VWDE: variants seen among roughly 807,000 people sequenced by gnomAD.
VWDE encodes the protein von Willebrand factor D and EGF domains.
In VWDE, 207 loss-of-function variants were observed where a neutral mutation model predicts 178.4. The ratio of observed to expected loss-of-function variants is 1.16; its 90% confidence interval spans 1.04 to 1.30. The LOEUF (loss-of-function observed/expected upper bound fraction) is 1.30, where lower values mean the gene tolerates loss of function less well. Ranked by LOEUF, VWDE falls within the 50% of genes most tolerant of loss-of-function variation. The pLI is 0.00. For synonymous variants in VWDE, 738 were observed against 651.4 expected (o/e 1.13, Z -2.02); for missense variants, 2,287 against 1,901.3 (o/e 1.20, Z -3.77).
At chr7:12,368,888 C>G (rs531961610) in intron 12 of VWDE, among the ~76,000 whole-genome samples, 2 of 151,644 alleles carry the variant, frequency 1.3e-5, no homozygotes, top group Non-Finnish European at 2.9e-5. Context: ...AAAGGACAGG[C>G]AAAAATGACT....
chr7:12,393,568 A>T lies in VWDE; in HGVS notation c.243+26T>A, dbSNP rs143771985. On this transcript the variant is annotated intron_variant, in intron 2 of 28. Coordinates refer to ENST00000275358, the MANE Select transcript of VWDE (RefSeq NM_001135924.3). ...ATGAAAAACACATAAGGAAAATAACATGCAGTACTTAGGGAGTTGACATAC... is the reference window on the plus strand; with the variant it reads ...ATGAAAAACACATAAGGAAAATAACTTGCAGTACTTAGGGAGTTGACATAC... 2.4e-4 allele frequency: 348 copies of T among 1,480,336 alleles called. 3 individuals are homozygous for T. The African/African-American group carries it at 4.2e-3, about 18-fold the overall frequency. 91.7% of individuals were successfully genotyped at this position (1,480,336 alleles called of 1,614,324 possible). A position where few individuals can be genotyped will look rare whatever the true frequency, so the allele number is the denominator to read the frequency against.
chr7:12,359,790 C>A (rs573115223), intron 15 of VWDE, 98 bp from the exon 16 acceptor site: 7 of 670,086 alleles, frequency 1.0e-5, no homozygotes, highest in African/African-American at 1.8e-5. Flanking sequence ...ATGATTCCAA[C>A]GAAAGCACAT....
At position 12,337,090 on chromosome 7, in the gene VWDE, G is replaced by C; in HGVS notation, c.4463-7C>G. 6.4e-7 allele frequency: 1 copy of C among 1,551,550 alleles called. No individual in the cohort carries two copies. The highest frequency in any genetic ancestry group is 8.7e-7 in the Non-Finnish European group (1 of 1,146,864). On this transcript the variant is annotated splice_polypyrimidine_tract_variant and splice_region_variant and intron_variant, in intron 25 of 28. Coordinates refer to ENST00000275358, the MANE Select transcript of VWDE (RefSeq NM_001135924.3). ...CACGTAGGATCACAGATGCCTTAAG[G>C]TAAAAGCATGAAAAGTCAGCCCTTA...
intron 19 of VWDE, among the ~76,000 whole-genome samples, chr7:12,344,679 A>T (rs1195098808): frequency 6.6e-6 from 1 of 152,184 alleles, no homozygotes; most frequent in East Asian, 1.9e-4. Context: ...AAAGCAAAAC[A>T]GTAACACAAC....
In VWDE at chr7:12,377,922, T is replaced by C; in HGVS notation, c.880-2A>G. 2.2e-6 allele frequency: 3 copies of C among 1,394,132 alleles called. No homozygotes were observed. Among genetic ancestry groups the C allele is most frequent in the South Asian group, 1.9e-5 (1 of 53,506 alleles). The allele number at this position is 1,394,132 out of a possible 1,614,324, so 86.4% of individuals were successfully genotyped here. A position where few individuals can be genotyped will look rare whatever the true frequency, so the allele number is the denominator to read the frequency against. ...TATAGTGCTCAATTCAGGCTGTAGCTGGTATAAGAAAATACGTAGAAAAAT... is the reference window on the plus strand; with the variant it reads ...TATAGTGCTCAATTCAGGCTGTAGCCGGTATAAGAAAATACGTAGAAAAAT... On this transcript the variant is annotated splice_acceptor_variant, in intron 6 of 28. Transcript: ENST00000275358. LOFTEE classifies it high-confidence loss of function.
At chr7:12,388,682 T>A in intron 3 of VWDE, 1 of 256,752 alleles carries the variant, frequency 3.9e-6, no homozygotes, top group South Asian at 4.3e-5. Flanking sequence ...ATCTCATTTA[T>A]CTTGCTCATC....
intron 19 of VWDE, among the ~76,000 whole-genome samples, chr7:12,347,787 C>A (rs1468466462): frequency 6.6e-6 from 1 of 152,048 alleles, no homozygotes; most frequent in East Asian, 1.9e-4. Context: ...GCCAAAAGAA[C>A]AAAGCTGGAG....
In VWDE at chr7:12,342,074, G is replaced by T. The variant is rs1583277094; in HGVS notation, c.4255C>A (p.Pro1419Thr). Residue 1419 changes from proline (P) to threonine (T), a missense_variant, in exon 23 of 29, where the codon CCC becomes ACC. Physicochemically the swap from Pro to Thr is conservative, Grantham distance 38 (BLOSUM62 -1). Coordinates refer to ENST00000275358, the MANE Select transcript of VWDE (RefSeq NM_001135924.3). ...CCAATTTTACCTGTACTACAGGTGG[G>T]TCCATACCAGCCAGGTTTGCACTGG... ...ICQCKPGWYG[P>T]TCSTALCDPV... 6.4e-7 allele frequency: 1 copy of T among 1,551,010 alleles called. No homozygotes were observed. The highest frequency in any genetic ancestry group is 1.4e-5 in the African/African-American group (1 of 72,892).
rs1473612066 is a variant in VWDE, at chr7:12,336,349, T to C, written c.4559-113A>G. On this transcript the variant is annotated intron_variant, in intron 26 of 28. Coordinates refer to ENST00000275358, the MANE Select transcript of VWDE (RefSeq NM_001135924.3). ...AAAAGAAATAGTTACAAGTAAGTGA[T>C]TAAAGAAATTTTTCCCTAATATTTT... 4 of 826,960 alleles carry C rather than the reference T, an allele frequency of 4.8e-6. No individual in the cohort carries two copies. The Admixed American group carries it at 9.8e-5, about 20-fold the overall frequency. The allele number at this position is 826,960 out of a possible 1,614,324, so 51.2% of individuals were successfully genotyped here.
chr7:12,394,398 G>A (rs979768129), intron 1 of VWDE, among the ~76,000 whole-genome samples: 3 of 152,146 alleles, frequency 2.0e-5, no homozygotes, highest in Admixed American at 6.6e-5. Flanking sequence ...AGGGGAGCAG[G>A]TTTGAAGGGG....
At chr7:12,380,424 AAAAATCGTGTT>A in intron 5 of VWDE, 51 bp downstream of exon 5, 11 of 1,514,160 alleles carry the variant, frequency 7.3e-6, no homozygotes, top group Non-Finnish European at 8.8e-6. Flanking sequence ...TATGATGTTT[AAAAATCGTGTT>A]TGAAAATCAA....
At chr7:12,365,122 C>A (rs1562488953) in intron 13 of VWDE, among the ~76,000 whole-genome samples, 1 of 151,988 alleles carries the variant, frequency 6.6e-6, no homozygotes, top group Non-Finnish European at 1.5e-5. Flanking sequence ...AAAGATGGAG[C>A]ACTGTCACAA....
intron 19 of VWDE, among the ~76,000 whole-genome samples, chr7:12,347,664 A>G (rs1247331429): frequency 3.3e-5 from 5 of 152,158 alleles, no homozygotes; most frequent in Non-Finnish European, 4.4e-5. Context: ...TAATTTATAG[A>G]TTCAATGCCA....
At chr7:12,395,316 G>A (rs951918123) in intron 1 of VWDE, among the ~76,000 whole-genome samples, 1 of 152,060 alleles carries the variant, frequency 6.6e-6, no homozygotes, top group African/African-American at 2.4e-5. Context: ...TTTTAAAAAA[G>A]AGACTTTGAA....
chr7:12,384,515 G>A (rs1305126745), intron 3 of VWDE, among the ~76,000 whole-genome samples: 1 of 152,116 alleles, frequency 6.6e-6, no homozygotes, highest in African/African-American at 2.4e-5. Context: ...ATAATGGTGT[G>A]TCAATGTAGG....
intron 26 of VWDE, among the ~76,000 whole-genome samples, 180 bp downstream of exon 26, chr7:12,336,808 G>A (rs1781058791): frequency 1.3e-5 from 2 of 152,098 alleles, no homozygotes; most frequent in Admixed American, 1.3e-4. Flanking sequence ...CTGAAAGAAT[G>A]AGTTCAGAAG....
chr7:12,403,848 G>A lies in VWDE; in HGVS notation c.-132C>T, dbSNP rs534057485. 8 of 959,372 alleles carry A rather than the reference G, an allele frequency of 8.3e-6. No homozygotes were observed. Among genetic ancestry groups the A allele is most frequent in the Admixed American group, 4.9e-5 (2 of 40,972 alleles). 59.4% of individuals were successfully genotyped at this position (959,372 alleles called of 1,614,324 possible). On this transcript the variant is annotated 5_prime_UTR_variant, in exon 1 of 29. Coordinates refer to ENST00000275358, the MANE Select transcript of VWDE (RefSeq NM_001135924.3). ...GTCTGTTGCTGCTTGGAACAGGGAAGCTCCGCGTCCTCGTTCTGGGGTGCA... is the reference window on the plus strand; with the variant it reads ...GTCTGTTGCTGCTTGGAACAGGGAAACTCCGCGTCCTCGTTCTGGGGTGCA...
chr7:12,353,420 T>TG (rs56938645), intron 18 of VWDE, among the ~76,000 whole-genome samples: 134,083 of 151,714 alleles, frequency 0.88, 59,336 homozygotes, highest in Admixed American at 0.92. Flanking sequence ...ATATAAATTT[T>TG]GGGGGGACGC....
At chr7:12,362,145 A>T (rs1321834709) in intron 13 of VWDE, among the ~76,000 whole-genome samples, 1 of 151,742 alleles carries the variant, frequency 6.6e-6, no homozygotes, top group East Asian at 1.9e-4. Flanking sequence ...CCATTTTTTC[A>T]CTATGGAGAG....
Sources: gnomAD v4.1 joint callset for allele counts (sites outside exome capture counted in the v4.1 genomes callset) on GRCh38, gnomAD v4.1.1 for gene constraint, MANE v1.5 for transcripts, NCBI Gene and HGNC (gene_info 2026-07-23, HGNC 2026-07-21) for gene names.